POLR3B: variants seen among roughly 807,000 people sequenced by gnomAD.
The protein encoded by POLR3B is DNA-directed RNA polymerase III subunit RPC2.
A neutral mutation model predicts 147.4 loss-of-function variants in POLR3B; 96 were observed. That is an observed-to-expected ratio of 0.65 (90% CI 0.55 to 0.77). The LOEUF (loss-of-function observed/expected upper bound fraction) is 0.77. POLR3B is among the 30% of genes least tolerant of loss of function. The pLI is 0.00. For missense variants in POLR3B, 1,036 were observed against 1,413.5 expected (o/e 0.73, Z 4.28); for synonymous variants, 461 against 485.9 (o/e 0.95, Z 0.67).
intron 9 of POLR3B, among the ~76,000 whole-genome samples, chr12:106,383,955 G>A (rs1480371580): frequency 6.7e-6 from 1 of 149,816 alleles, no homozygotes; most frequent in Admixed American, 6.7e-5. Context: ...TCCAGCCTAG[G>A]CAACAGAGTG....
At chr12:106,466,748 G>A (rs1044614993) in intron 23 of POLR3B, among the ~76,000 whole-genome samples, 2 of 152,210 alleles carry the variant, frequency 1.3e-5, no homozygotes, top group Admixed American at 1.3e-4. Context: ...GTTTATCAAA[G>A]ATCAGATGGT....
At chr12:106,426,785 A>C (rs573382755) in intron 12 of POLR3B, among the ~76,000 whole-genome samples, 3 of 148,620 alleles carry the variant, frequency 2.0e-5, no homozygotes, top group African/African-American at 7.5e-5. Flanking sequence ...TACCAATGAT[A>C]CAGGAAACAT....
chr12:106,420,053 T>C (rs554794091), intron 12 of POLR3B, among the ~76,000 whole-genome samples: 7 of 152,124 alleles, frequency 4.6e-5, no homozygotes, highest in African/African-American at 1.4e-4. Flanking sequence ...CTCAGGCGTT[T>C]CCAGAGTTGT....
chr12:106,437,283 A>G, intron 17 of POLR3B, 152 bp downstream of exon 17: 3 of 693,742 alleles, frequency 4.3e-6, no homozygotes, highest in Admixed American at 2.1e-5. Flanking sequence ...TTGCTTGGAC[A>G]TTGTAAAATA....
chr12:106,461,293 A>G (rs1237561692), intron 22 of POLR3B, among the ~76,000 whole-genome samples: 1 of 152,018 alleles, frequency 6.6e-6, no homozygotes, highest in Non-Finnish European at 1.5e-5. Flanking sequence ...AAAAAATACA[A>G]TATGTTGTCC....
intron 9 of POLR3B, among the ~76,000 whole-genome samples, chr12:106,381,640 C>T (rs1300720436): frequency 1.3e-5 from 2 of 152,172 alleles, no homozygotes; most frequent in Non-Finnish European, 2.9e-5. Context: ...AAGTCTTAAA[C>T]CCCTCAAAAT....
At chr12:106,429,766 C>T (rs2037484353) in intron 13 of POLR3B, among the ~76,000 whole-genome samples, 1 of 152,052 alleles carries the variant, frequency 6.6e-6, no homozygotes, top group African/African-American at 2.4e-5. Context: ...TGTTCATTAT[C>T]CTAAGTAAAT....
chr12:106,508,458 G>A (rs1044747352), intron 27 of POLR3B, among the ~76,000 whole-genome samples: 1 of 152,148 alleles, frequency 6.6e-6, no homozygotes, highest in African/African-American at 2.4e-5. Flanking sequence ...CTCGTTAACT[G>A]TGAGGACCTA....
intron 23 of POLR3B, among the ~76,000 whole-genome samples, chr12:106,482,886 C>T (rs2038288799): frequency 1.3e-5 from 2 of 152,134 alleles, no homozygotes; most frequent in African/African-American, 4.8e-5. Flanking sequence ...AAGCCAAACT[C>T]ACTACTCCCA....
intron 4 of POLR3B, 107 bp downstream of exon 4, chr12:106,366,829 T>C (rs1362685412): frequency 5.3e-5 from 51 of 958,002 alleles, no homozygotes; most frequent in Non-Finnish European, 8.1e-5. Flanking sequence ...TTGGCCAGGC[T>C]CGGTGGCTTA....
At chr12:106,466,274 C>A (rs372866930) in intron 23 of POLR3B, among the ~76,000 whole-genome samples, 8 of 152,196 alleles carry the variant, frequency 5.3e-5, no homozygotes, top group African/African-American at 1.9e-4. Context: ...CTGTTCATAT[C>A]CCTTGCCCAT....
intron 4 of POLR3B, among the ~76,000 whole-genome samples, 190 bp downstream of exon 4, chr12:106,366,912 TG>T (rs1451548223): frequency 6.6e-6 from 1 of 152,222 alleles, no homozygotes; most frequent in Non-Finnish European, 1.5e-5. Flanking sequence ...GAGACCAGCC[TG>T]GCCAACATGG....
chr12:106,397,272 A>G (rs1593017412), intron 10 of POLR3B, among the ~76,000 whole-genome samples: 1 of 152,230 alleles, frequency 6.6e-6, no homozygotes, highest in East Asian at 1.9e-4. Context: ...GCCTACCTTC[A>G]AAAGTTGTCA....
At chr12:106,371,863 A>G (rs921197121) in intron 6 of POLR3B, among the ~76,000 whole-genome samples, 2 of 151,622 alleles carry the variant, frequency 1.3e-5, no homozygotes, top group African/African-American at 2.4e-5. Flanking sequence ...TGGGTGCAGC[A>G]CACCAGCATG....
At chr12:106,440,829 G>A (rs1382210246) in intron 18 of POLR3B, among the ~76,000 whole-genome samples, 1 of 151,168 alleles carries the variant, frequency 6.6e-6, no homozygotes, top group East Asian at 1.9e-4. Flanking sequence ...GAAGCTTCAC[G>A]AAGGCAGGGA....
Position 106,377,906 on chromosome 12 carries a change from A to G in POLR3B, c.497-361A>G, listed in dbSNP as rs532016282. Among the ~76,000 whole-genome samples the G allele has an allele frequency of 3.3e-5, 5 of 152,246 alleles. No homozygotes were observed. The South Asian group carries it at 1.0e-3, about 32-fold the overall frequency. ...GACAGGGAGTCAGCCTGAGAAGCAT[A>G]GTGAGACCCTGTTGTTACAAAAAAT... On this transcript the variant is annotated intron_variant, in intron 7 of 27. Coordinates refer to ENST00000228347, the MANE Select transcript of POLR3B (RefSeq NM_018082.6).
chr12:106,487,731 A>G (rs2038358500), intron 23 of POLR3B, among the ~76,000 whole-genome samples: 1 of 152,166 alleles, frequency 6.6e-6, no homozygotes, highest in South Asian at 2.1e-4. Context: ...GATCGCTTCA[A>G]AGGTGGTAGG....
chr12:106,370,107 G>A (rs1264754920), intron 6 of POLR3B, among the ~76,000 whole-genome samples: 2 of 152,124 alleles, frequency 1.3e-5, no homozygotes, highest in Admixed American at 1.3e-4. Flanking sequence ...ATCCACTTGC[G>A]TTTTTGCAAT....
At chr12:106,385,564 A>C (rs939851585) in intron 9 of POLR3B, among the ~76,000 whole-genome samples, 1 of 152,216 alleles carries the variant, frequency 6.6e-6, no homozygotes, top group African/African-American at 2.4e-5. Flanking sequence ...TCAGAGGAGT[A>C]AGAAAGAAGG....
Sources: allele counts gnomAD v4.1 joint callset (sites outside exome capture counted in the v4.1 genomes callset), GRCh38; gene constraint gnomAD v4.1.1; transcripts MANE v1.5; gene names NCBI Gene and HGNC (gene_info 2026-07-23, HGNC 2026-07-21).